Variants in GLB1 observed in about 807,000 individuals in gnomAD.
The protein encoded by GLB1 is galactosidase beta 1, also known as beta-galactosidase.
Under a neutral mutation model 74.0 loss-of-function variants are expected in GLB1, and 56 were observed. The ratio of observed to expected loss-of-function variants is 0.76; its 90% CI spans 0.61 to 0.94. The LOEUF is 0.94. GLB1 is among the 40% of genes least tolerant of loss of function. The probability of loss-of-function intolerance (pLI) is 0.00; values close to 1 mark genes in which losing one functional copy is unlikely to be tolerated. For missense variants in GLB1, 787 were observed against 845.5 expected (o/e 0.93, Z 0.86); for synonymous variants, 323 against 323.6 (o/e 1.00, Z 0.02).
chr3:33,031,373 G>A (rs1697997524), intron 10 of GLB1, among the ~76,000 whole-genome samples: 1 of 151,946 alleles, frequency 6.6e-6, no homozygotes, highest in South Asian at 2.1e-4. Context: ...GCTGGGTGCG[G>A]TGGCTTACAC....
At chr3:33,044,966 T>C (rs1024735977) in intron 10 of GLB1, among the ~76,000 whole-genome samples, 4 of 152,184 alleles carry the variant, frequency 2.6e-5, no homozygotes, top group Admixed American at 1.3e-4. Context: ...TTGCTCCAAA[T>C]AGAAAAATGA....
the GLB1 span, among the ~76,000 whole-genome samples, chr3:32,981,399 CAAAAA>C: frequency 5.5e-5 from 5 of 90,474 alleles, no homozygotes; most frequent in East Asian, 6.2e-4. Context: ...GACTCCATCT[CAAAAA>C]AAAAAAAAAA....
intron 7 of GLB1, 94 bp downstream of exon 7, chr3:33,053,397 G>A (rs1699079961): frequency 1.3e-6 from 2 of 1,583,134 alleles, no homozygotes; most frequent in African/African-American, 1.3e-5. Context: ...TGACTCCAGA[G>A]CCAAAAACAT....
chr3:33,011,454 A>T (rs1377084876), intron 15 of GLB1, among the ~76,000 whole-genome samples: 1 of 151,012 alleles, frequency 6.6e-6, no homozygotes, highest in Non-Finnish European at 1.5e-5. Context: ...AAAATAAAAA[A>T]AAAACAAAAA....
intron 15 of GLB1, 148 bp downstream of exon 15, chr3:33,013,908 C>T: frequency 6.9e-7 from 1 of 1,455,884 alleles, no homozygotes; most frequent in Non-Finnish European, 9.3e-7. Context: ...TGAAGATCTG[C>T]CACAATCCGC....
At chr3:33,019,264 A>T (rs911329720) in intron 12 of GLB1, among the ~76,000 whole-genome samples, 4 of 152,246 alleles carry the variant, frequency 2.6e-5, no homozygotes, top group African/African-American at 9.6e-5. Flanking sequence ...TTAGATGCTG[A>T]CATCCCTGGT....
Position 33,018,890 on chromosome 3 carries a change from T to C in GLB1, c.1234-329A>G, listed in dbSNP as rs973151833. 6.0e-4 allele frequency among the ~76,000 whole-genome samples: 91 copies of C among 152,186 alleles called. 1 individual carries two copies. The highest frequency in any genetic ancestry group is 2.0e-3 in the African/African-American group (83 of 41,438). ...TATCATACATAGCAAAAGTTATGGA[T>C]GTTAGCTCCAAAAACAAAACTAAGT... On this transcript the variant is annotated intron_variant, in intron 12 of 15. Transcript: ENST00000307363.
intron 12 of GLB1, among the ~76,000 whole-genome samples, chr3:33,020,371 C>T (rs189863489): frequency 2.0e-5 from 3 of 152,246 alleles, no homozygotes; most frequent in Admixed American, 6.5e-5. Flanking sequence ...GAAAGGAGGA[C>T]GTGGATAACC....
At position 33,046,845 on chromosome 3, in the gene GLB1, C is replaced by T. The variant is rs115445476; in HGVS notation, c.956-613G>A. 6.3e-3 allele frequency among the ~76,000 whole-genome samples: 953 copies of T among 152,296 alleles called. 9 individuals are homozygous for T. The highest frequency in any genetic ancestry group is 0.017 in the Middle Eastern group (5 of 294). ...GGGCTGTGGTGCACCTCTTGGATCC[C>T]CCTTTAGAACCAGGGCACTCACTCA... On this transcript the variant is annotated intron_variant, in intron 9 of 15. Coordinates refer to ENST00000307363, the MANE Select transcript of GLB1 (RefSeq NM_000404.4).
intron 3 of GLB1, among the ~76,000 whole-genome samples, 179 bp downstream of exon 3, chr3:33,068,641 C>T (rs1699782090): frequency 6.6e-6 from 1 of 152,084 alleles, no homozygotes; most frequent in African/African-American, 2.4e-5. Context: ...AGAGCCCATG[C>T]CCTGACCCTG....
chr3:32,977,643 G>C, the GLB1 span, among the ~76,000 whole-genome samples: 1 of 152,184 alleles, frequency 6.6e-6, no homozygotes, highest in Admixed American at 6.5e-5. Context: ...CCTACTATGG[G>C]CTAGATGTGC....
the GLB1 span, among the ~76,000 whole-genome samples, chr3:32,962,477 C>T: frequency 6.6e-6 from 1 of 151,866 alleles, no homozygotes; most frequent in African/African-American, 2.4e-5. Context: ...TAAAACTGTT[C>T]TAAAATACAA....
intron 9 of GLB1, among the ~76,000 whole-genome samples, chr3:33,051,233 C>CAAAA (rs35399363): frequency 7.9e-5 from 6 of 76,368 alleles, no homozygotes; most frequent in African/African-American, 3.1e-4. Flanking sequence ...GACTGCGTCT[C>CAAAA]AAAAAAAAAA....
intron 10 of GLB1, among the ~76,000 whole-genome samples, chr3:33,029,737 T>C (rs1283314914): frequency 1.3e-5 from 2 of 151,756 alleles, no homozygotes; most frequent in African/African-American, 4.8e-5. Flanking sequence ...CACTTATAAG[T>C]GGGAGCTAAA....
At chr3:32,989,464 T>C in the GLB1 span, among the ~76,000 whole-genome samples, 2 of 152,208 alleles carry the variant, frequency 1.3e-5, no homozygotes, top group Non-Finnish European at 2.9e-5. Flanking sequence ...GTGGGTTTTG[T>C]CTGAGAGGGA....
chr3:32,966,128 C>T, the GLB1 span, among the ~76,000 whole-genome samples: 1 of 152,208 alleles, frequency 6.6e-6, no homozygotes. Flanking sequence ...GAGAAGAGGG[C>T]CACTGTCCTC....
chr3:33,093,767 C>A lies in GLB1; in HGVS notation c.75+3244G>T. Reference sequence around the variant, plus strand: ...CCCTACCACTGCGCCAGGCCAAGAGCTGGTAGGCCTGCTCCATGCCGCTGA... The same window carrying A: ...CCCTACCACTGCGCCAGGCCAAGAGATGGTAGGCCTGCTCCATGCCGCTGA... On this transcript the variant is annotated intron_variant, in intron 1 of 15. Transcript: ENST00000307363. This position sits in a 1 kb window ranked among gnomAD's most constrained non-coding sequence, Gnocchi z 6.0. 2 of 1,613,542 alleles carry A rather than the reference C, an allele frequency of 1.2e-6. No homozygotes were observed. The highest frequency in any genetic ancestry group is 1.7e-6 in the Non-Finnish European group (2 of 1,179,714).
At chr3:33,001,517 C>T (rs1344043406) in intron 15 of GLB1, among the ~76,000 whole-genome samples, 1 of 152,192 alleles carries the variant, frequency 6.6e-6, no homozygotes, top group Non-Finnish European at 1.5e-5. Context: ...GCTTTCCATT[C>T]CAAGTCACTC....
intron 9 of GLB1, among the ~76,000 whole-genome samples, chr3:33,046,716 C>T (rs1698757050): frequency 6.6e-6 from 1 of 152,168 alleles, no homozygotes; most frequent in Non-Finnish European, 1.5e-5. Flanking sequence ...AAACCCAGGG[C>T]TTATTAAACC....
Sources: allele counts gnomAD v4.1 joint callset (sites outside exome capture counted in the v4.1 genomes callset), GRCh38; gene constraint gnomAD v4.1.1; non-coding constraint Gnocchi (gnomAD v3.1); transcripts MANE v1.5; gene names NCBI Gene and HGNC (gene_info 2026-07-23, HGNC 2026-07-21).